GPC5: variants seen among roughly 807,000 people sequenced by gnomAD.
The protein encoded by GPC5 is glypican-5.
A neutral mutation model predicts 53.9 loss-of-function variants in GPC5; 47 were observed. The observed-to-expected ratio is 0.87, with a 90% CI of 0.69 to 1.11. GPC5 has a LOEUF of 1.11. Among genes scored for constraint, GPC5 ranks in the 50% most tolerant of loss-of-function variants. The probability of loss-of-function intolerance (pLI) is 0.00; values close to 1 mark genes in which losing one functional copy is unlikely to be tolerated. For missense variants in GPC5, 748 were observed against 713.1 expected (o/e 1.05, Z -0.56); for synonymous variants, 286 against 263.3 (o/e 1.09, Z -0.84).
intron 6 of GPC5, among the ~76,000 whole-genome samples, chr13:92,122,631 A>AG (rs36185945): frequency 0.38 from 57,381 of 151,292 alleles, 11,443 homozygotes; most frequent in Admixed American, 0.48. Context: ...CATTCAGCAC[A>AG]GAAACAGCAT....
At chr13:92,237,919 C>A (rs943438595) in intron 7 of GPC5, among the ~76,000 whole-genome samples, 1 of 152,002 alleles carries the variant, frequency 6.6e-6, no homozygotes, top group South Asian at 2.1e-4. Flanking sequence ...TCATAATAAG[C>A]ATTCTTTATG....
chr13:91,963,814 C>T (rs1054833786), intron 6 of GPC5, among the ~76,000 whole-genome samples: 3 of 151,990 alleles, frequency 2.0e-5, no homozygotes, highest in African/African-American at 7.3e-5. Flanking sequence ...ACCACTGCAC[C>T]TGTGGTCCAA....
chr13:91,738,296 A>C (rs1190598685), intron 4 of GPC5, among the ~76,000 whole-genome samples: 1 of 151,436 alleles, frequency 6.6e-6, no homozygotes, highest in African/African-American at 2.5e-5. Context: ...TCAAAATGAC[A>C]AAAAGTTATA....
At chr13:91,792,726 A>C (rs765114114) in intron 5 of GPC5, among the ~76,000 whole-genome samples, 3 of 152,188 alleles carry the variant, frequency 2.0e-5, no homozygotes, top group Non-Finnish European at 4.4e-5. Flanking sequence ...TAAAACCAGT[A>C]AATTCCATGG....
intron 7 of GPC5, among the ~76,000 whole-genome samples, chr13:92,524,282 T>G (rs1881186978): frequency 6.6e-6 from 1 of 152,104 alleles, no homozygotes; most frequent in African/African-American, 2.4e-5. Context: ...CACAGCCTCT[T>G]CACCAGGAAT....
At chr13:92,007,706 T>C (rs562584362) in intron 6 of GPC5, among the ~76,000 whole-genome samples, 3 of 152,308 alleles carry the variant, frequency 2.0e-5, no homozygotes, top group Non-Finnish European at 2.9e-5. Context: ...ATTAATATAG[T>C]TTGATTTGAA....
At chr13:92,335,701 A>G (rs1339467584) in intron 7 of GPC5, among the ~76,000 whole-genome samples, 1 of 152,156 alleles carries the variant, frequency 6.6e-6, no homozygotes, top group Non-Finnish European at 1.5e-5. Flanking sequence ...TTAAAGTTCC[A>G]AAGATCTCTA....
intron 7 of GPC5, among the ~76,000 whole-genome samples, chr13:92,672,835 A>G (rs1244447171): frequency 6.6e-6 from 1 of 152,204 alleles, no homozygotes; most frequent in Non-Finnish European, 1.5e-5. Context: ...CTAAAGGATG[A>G]GAACACATGG....
At chr13:92,228,296 A>G (rs2042503917) in intron 7 of GPC5, among the ~76,000 whole-genome samples, 1 of 152,140 alleles carries the variant, frequency 6.6e-6, no homozygotes, top group Non-Finnish European at 1.5e-5. Context: ...CAATACTTAT[A>G]TAAAACAAAA....
intron 6 of GPC5, among the ~76,000 whole-genome samples, chr13:92,004,743 CATCTT>C (rs1256286896): frequency 1.3e-5 from 2 of 151,628 alleles, no homozygotes; most frequent in African/African-American, 4.8e-5. Context: ...GTGAAAAGCA[CATCTT>C]ACGTGGTGGC....
At chr13:92,199,867 A>G (rs1398878151) in intron 7 of GPC5, among the ~76,000 whole-genome samples, 1 of 152,178 alleles carries the variant, frequency 6.6e-6, no homozygotes, top group East Asian at 1.9e-4. Context: ...TGCTGTATAT[A>G]ACATCGTGTC....
intron 2 of GPC5, among the ~76,000 whole-genome samples, chr13:91,533,702 AG>A (rs1189799665): frequency 6.6e-6 from 1 of 152,200 alleles, no homozygotes; most frequent in East Asian, 1.9e-4. Context: ...AAACTTAAAC[AG>A]GTCTGTGAAT....
At chr13:91,412,558 T>C (rs1433077817) in intron 1 of GPC5, among the ~76,000 whole-genome samples, 1 of 152,074 alleles carries the variant, frequency 6.6e-6, no homozygotes, top group African/African-American at 2.4e-5. Flanking sequence ...ATATACCATG[T>C]GAAATGAAAA....
chr13:91,955,955 C>A (rs1055045440), intron 6 of GPC5, among the ~76,000 whole-genome samples: 21 of 152,346 alleles, frequency 1.4e-4, no homozygotes, highest in African/African-American at 4.8e-4. Flanking sequence ...CAGCCTGCAG[C>A]TGCCACCTAT....
intron 7 of GPC5, among the ~76,000 whole-genome samples, chr13:92,718,833 G>A (rs1462318061): frequency 6.6e-6 from 1 of 150,612 alleles, no homozygotes; most frequent in East Asian, 2.0e-4. Flanking sequence ...AGAGGTTGCA[G>A]TGAACCCAGA....
At chr13:92,851,381 T>C (rs1280278104) in intron 7 of GPC5, among the ~76,000 whole-genome samples, 2 of 151,964 alleles carry the variant, frequency 1.3e-5, no homozygotes, top group Non-Finnish European at 1.5e-5. Context: ...AGGGAGTTGC[T>C]CTCAGGCAAG....
intron 7 of GPC5, among the ~76,000 whole-genome samples, chr13:92,309,493 C>T (rs1305745385): frequency 1.3e-5 from 2 of 152,056 alleles, no homozygotes; most frequent in African/African-American, 2.4e-5. Context: ...ACTATTGATT[C>T]AGACCACTGG....
intron 2 of GPC5, among the ~76,000 whole-genome samples, chr13:91,497,305 GAT>G (rs1484182812): frequency 7.8e-6 from 1 of 128,610 alleles, no homozygotes; most frequent in Non-Finnish European, 1.8e-5. Context: ...TTATGCTTCA[GAT>G]ATTTTTTTTT....
At chr13:91,799,401 A>G (rs1438248428) in intron 5 of GPC5, among the ~76,000 whole-genome samples, 1 of 152,160 alleles carries the variant, frequency 6.6e-6, no homozygotes, top group Non-Finnish European at 1.5e-5. Context: ...CACTCGGGCA[A>G]TGGGATGAAT....
Sources: allele counts gnomAD v4.1 joint callset (sites outside exome capture counted in the v4.1 genomes callset), GRCh38; gene constraint gnomAD v4.1.1; transcripts MANE v1.5; gene names NCBI Gene and HGNC (gene_info 2026-07-23, HGNC 2026-07-21).